The following STAT5A variants were observed in gnomAD, a reference collection of about 807,000 sequenced individuals.
STAT5A encodes signal transducer and activator of transcription 5A.
A neutral mutation model predicts 100.2 loss-of-function variants in STAT5A; 26 were observed. The ratio of observed to expected loss-of-function variants is 0.26; its 90% confidence interval spans 0.19 to 0.36. The LOEUF is 0.36. Among genes scored for constraint, STAT5A ranks in the 10% least tolerant of loss-of-function variants. The probability of loss-of-function intolerance (pLI) is 1.00; values close to 1 mark genes in which losing one functional copy is unlikely to be tolerated. For missense variants in STAT5A, 634 were observed against 1,027.5 expected, an observed-to-expected ratio of 0.62 and a Z score of 5.24; for synonymous variants, 330 against 424.3, an observed-to-expected ratio of 0.78 and a Z score of 2.73.
intron 15 of STAT5A, 110 bp downstream of exon 15, chr17:42,307,833 A>G: frequency 6.8e-7 from 1 of 1,473,752 alleles, no homozygotes; most frequent in South Asian, 1.3e-5. Flanking sequence ...ACCCAGCGGG[A>G]AGCTTAGTAT....
intron 18 of STAT5A, among the ~76,000 whole-genome samples, chr17:42,309,923 A>G (rs1349798786): frequency 6.6e-6 from 1 of 152,200 alleles, no homozygotes; most frequent in Non-Finnish European, 1.5e-5. Flanking sequence ...GTGGATAGCC[A>G]GGGCTGGATG....
In STAT5A at chr17:42,310,827, C is replaced by T. The variant is rs1423755576; in HGVS notation, c.*158C>T. 9.2e-6 allele frequency: 12 copies of T among 1,300,002 alleles called. No homozygotes were observed. The highest frequency in any genetic ancestry group is 1.3e-5 in the Non-Finnish European group (12 of 954,568). 80.5% of individuals were successfully genotyped at this position (1,300,002 alleles called of 1,614,324 possible). ...CCTTGTGCATGAGCTACGCCTGCCT[C>T]CCCTGTGCAGTCCTGGGATGTGGCT... On this transcript the variant is annotated 3_prime_UTR_variant, in exon 19 of 19. Transcript: ENST00000590949.
Position 42,289,547 on chromosome 17 carries a change from C to T in STAT5A, c.128+8C>T, listed in dbSNP as rs372975701. On this transcript the variant is annotated splice_region_variant and intron_variant, in intron 2 of 18. Transcript: ENST00000590949. ...GATTGAGAGCCAGCCATGGTAGGCACGTCCCGCCCTGCCCCTCCTCAGAGG... is the reference window on the plus strand; with the variant it reads ...GATTGAGAGCCAGCCATGGTAGGCATGTCCCGCCCTGCCCCTCCTCAGAGG... 5.3e-5 allele frequency: 86 copies of T among 1,611,340 alleles called. No individual in the cohort carries two copies. The African/African-American group carries it at 9.3e-4, about 17-fold the overall frequency.
intron 9 of STAT5A, among the ~76,000 whole-genome samples, chr17:42,303,797 C>T (rs1802759403): frequency 6.6e-6 from 1 of 152,074 alleles, no homozygotes. Context: ...GTAAGCTTCT[C>T]CAGATAAGTG....
rs1464278408 is a variant in STAT5A, at chr17:42,289,546, A to G, written c.128+7A>G. 2 of 1,611,778 alleles carry G rather than the reference A, an allele frequency of 1.2e-6. No homozygotes were observed. The highest frequency in any genetic ancestry group is 1.7e-6 in the Non-Finnish European group (2 of 1,179,150). ...GGATTGAGAGCCAGCCATGGTAGGC[A>G]CGTCCCGCCCTGCCCCTCCTCAGAG... On this transcript the variant is annotated splice_region_variant and intron_variant, in intron 2 of 18. Transcript: ENST00000590949.
At position 42,305,600 on chromosome 17, in the gene STAT5A, A is replaced by T. The variant is rs200109660; in HGVS notation, c.1381-10A>T. On this transcript the variant is annotated splice_polypyrimidine_tract_variant and intron_variant, in intron 11 of 18. Transcript: ENST00000590949. ...CGCCCCATCAACTTGGGTTCCTTTG[A>T]CTCCTGTAGACTCTGTCCCTACCTG... The T allele has an allele frequency of 1.2e-5, 19 of 1,613,320 alleles. No homozygotes were observed. In the East Asian group the frequency reaches 4.2e-4, roughly 36 times the overall value.
chr17:42,289,336 G>T, intron 1 of STAT5A, 66 bp from the exon 2 acceptor site: 1 of 1,470,004 alleles, frequency 6.8e-7, no homozygotes, highest in East Asian at 2.5e-5. Flanking sequence ...GCATGGCAAG[G>T]CCAGGGGCAG....
At chr17:42,301,590 A>T in intron 9 of STAT5A, 136 bp downstream of exon 9, 3 of 1,339,076 alleles carry the variant, frequency 2.2e-6, no homozygotes, top group Non-Finnish European at 3.1e-6. Flanking sequence ...TCCTGGACTC[A>T]TGCAGTCTTC....
chr17:42,304,441 G>T lies in STAT5A; in HGVS notation c.1257+12G>T, dbSNP rs762601570. The T allele has an allele frequency of 3.1e-6, 5 of 1,614,104 alleles. No homozygotes were observed. Among genetic ancestry groups the T allele is most frequent in the Non-Finnish European group, 4.2e-6 (5 of 1,180,038 alleles). On this transcript the variant is annotated intron_variant, in intron 10 of 18. Coordinates refer to ENST00000590949, the MANE Select transcript of STAT5A (RefSeq NM_001288718.2). The surrounding 1 kb of genome is among the most constrained non-coding windows in gnomAD (Gnocchi z 4.8). ...ACTTCAGGAACATGGTGAGGACGGG[G>T]CCCACCCTCGGAGGGCAGGTCTGCC...
chr17:42,308,455 T>C lies in STAT5A; in HGVS notation c.2062+122T>C. 2.8e-6 allele frequency: 4 copies of C among 1,424,536 alleles called. No individual in the cohort carries two copies. The highest frequency in any genetic ancestry group is 3.8e-6 in the Non-Finnish European group (4 of 1,043,168). 88.2% of individuals were successfully genotyped at this position (1,424,536 alleles called of 1,614,324 possible). ...AGGAGCCTAGGGGCCATGTCCCCTGTGGGTTTTGGCCCATGGGGTGGTGGA... is the reference window on the plus strand; with the variant it reads ...AGGAGCCTAGGGGCCATGTCCCCTGCGGGTTTTGGCCCATGGGGTGGTGGA... On this transcript the variant is annotated intron_variant, in intron 16 of 18. Coordinates refer to ENST00000590949, the MANE Select transcript of STAT5A (RefSeq NM_001288718.2). This position sits in a 1 kb window ranked among gnomAD's most constrained non-coding sequence, Gnocchi z 4.6.
rs1386261858 is a variant in STAT5A, at chr17:42,292,067, T to C, written c.375+6T>C. On this transcript the variant is annotated splice_donor_region_variant and intron_variant, in intron 4 of 18. Transcript: ENST00000590949. ...TGGTCCGAGAAGCCAACAATGTGAG[T>C]GTCCCTTGGGGATGGGGAGGAGTGT... 2 of 1,613,688 alleles carry C rather than the reference T, an allele frequency of 1.2e-6. No individual in the cohort carries two copies. Among genetic ancestry groups the C allele is most frequent in the Non-Finnish European group, 1.7e-6 (2 of 1,179,748 alleles).
chr17:42,306,350 A>C lies in STAT5A; in HGVS notation c.1583A>C (p.Glu528Ala). 5 of 1,614,142 alleles carry C rather than the reference A, an allele frequency of 3.1e-6. No homozygotes were observed. The highest frequency in any genetic ancestry group is 4.2e-6 in the Non-Finnish European group (5 of 1,179,998). ...CAGAGCAACCGGGGCCTGACCAAGG[A>C]GAACCTCGTGTTCCTGGCGCAGAAA... ...EVQSNRGLTK[E>A]NLVFLAQKLF... The change falls in exon 13 of 19, where the codon GAG becomes GCG. Residue 528 changes from glutamate (E) to alanine (A), a missense_variant. Physicochemically the swap from Glu to Ala is moderately radical, Grantham distance 107. Transcript: ENST00000590949.
Position 42,289,997 on chromosome 17 carries a change from T to C in STAT5A, c.260T>C (p.Leu87Pro). The change falls in exon 3 of 19, where the codon CTG (leucine) becomes CCG (proline). Residue 87 changes from leucine (L) to proline (P), a missense_variant. Around this residue, in one of 5 missense-constraint regions of STAT5A, gnomAD observed 207 missense variants for 256.6 expected, o/e 0.81. Coordinates refer to ENST00000590949, the MANE Select transcript of STAT5A (RefSeq NM_001288718.2). ...GATGGGTTTTTACTGAAGATCAAGC[T>C]GGGGCACTACGCCACGCAGCTCCAG... ...GEDGFLLKIKLGHYATQLQKT... is the reference protein window; with the variant it reads ...GEDGFLLKIKPGHYATQLQKT... The C allele has an allele frequency of 6.2e-7, 1 of 1,613,092 alleles. No homozygotes were observed. Among genetic ancestry groups the C allele is most frequent in the Non-Finnish European group, 8.5e-7 (1 of 1,179,668 alleles).
Position 42,311,250 on chromosome 17 carries a change from ACTCT to A in STAT5A, c.*584_*587del, listed in dbSNP as rs1230320581. ...ATACTTTAGTGAACGTGGACTCCAG[ACTCT>A]CTGTGAACCCTATGAGAGCGCGTCT... On this transcript the variant is annotated 3_prime_UTR_variant, in exon 19 of 19. Transcript: ENST00000590949. 7 of 158,796 alleles carry A rather than the reference ACTCT, an allele frequency of 4.4e-5. No individual in the cohort carries two copies. In the South Asian group the frequency reaches 1.1e-3, roughly 24 times the overall value. 9.8% of individuals were successfully genotyped at this position (158,796 alleles called of 1,614,324 possible).
At chr17:42,292,317 T>TTTTTTTC (rs946459046) in intron 4 of STAT5A, among the ~76,000 whole-genome samples, 2 of 152,032 alleles carry the variant, frequency 1.3e-5, no homozygotes, top group South Asian at 2.1e-4. Flanking sequence ...TGTTCCTGTT[T>TTTTTTTC]TTTTTTCTTT....
intron 1 of STAT5A, 87 bp from the exon 2 acceptor site, chr17:42,289,315 G>T: frequency 7.1e-7 from 1 of 1,418,322 alleles, no homozygotes; most frequent in Non-Finnish European, 9.2e-7. Context: ...CCGCGGTCCA[G>T]GGATAGGTAG....
chr17:42,295,781 C>G lies in STAT5A; in HGVS notation c.538C>G (p.Leu180Val). The G allele has an allele frequency of 6.2e-7, 1 of 1,614,000 alleles. No homozygotes were observed. Among genetic ancestry groups the G allele is most frequent in the Non-Finnish European group, 8.5e-7 (1 of 1,179,986 alleles). Residue 180 changes from leucine (L) to valine (V), a missense_variant, in exon 5 of 19, where the codon CTG (leucine) becomes GTG (valine). Coordinates refer to ENST00000590949, the MANE Select transcript of STAT5A (RefSeq NM_001288718.2). Reference sequence around the variant, plus strand: ...CTTCATCATCCAGTACCAGGAGAGCCTGAGGATCCAAGGTGAGGCGCGGTG... The same window carrying G: ...CTTCATCATCCAGTACCAGGAGAGCGTGAGGATCCAAGGTGAGGCGCGGTG... ...EYFIIQYQES[L>V]RIQAQFAQLA...
intron 4 of STAT5A, among the ~76,000 whole-genome samples, chr17:42,293,359 C>G (rs2080889349): frequency 6.6e-6 from 1 of 152,178 alleles, no homozygotes; most frequent in South Asian, 2.1e-4. Context: ...GGCCCACCAC[C>G]ATGCCCGGCT....
chr17:42,306,170 GTATCT>G (rs1598365588), intron 12 of STAT5A, 66 bp from the exon 13 acceptor site: 1 of 1,610,114 alleles, frequency 6.2e-7, no homozygotes, highest in African/African-American at 1.3e-5. Flanking sequence ...AGGTGTCTGT[GTATCT>G]TGTGTGTGTG....
Sources: gnomAD v4.1 joint callset for allele counts (sites outside exome capture counted in the v4.1 genomes callset) on GRCh38, gnomAD v4.1.1 for gene constraint, gnomAD v4.1.1 regional missense constraint, Gnocchi (gnomAD v3.1) non-coding constraint, MANE v1.5 for transcripts, NCBI Gene and HGNC (gene_info 2026-07-23, HGNC 2026-07-21) for gene names.